Variants in GFPT2 observed in about 807,000 individuals in gnomAD.
GFPT2 encodes glutamine--fructose-6-phosphate aminotransferase [isomerizing] 2.
In GFPT2, 62 loss-of-function variants were observed where a neutral mutation model predicts 85.6. The observed-to-expected ratio is 0.72, with a 90% CI of 0.59 to 0.90. The LOEUF (loss-of-function observed/expected upper bound fraction) is 0.90, where lower values mean the gene tolerates loss of function less well. Ranked by LOEUF, GFPT2 falls within the 40% of genes least tolerant of loss-of-function variation. The pLI, the probability that GFPT2 is intolerant of heterozygous loss-of-function variation, is 0.00. For synonymous variants in GFPT2, 368 were observed against 344.5 expected, an observed-to-expected ratio of 1.07 and a Z score of -0.75; for missense variants, 788 against 893.4, an observed-to-expected ratio of 0.88 and a Z score of 1.50.
intron 10 of GFPT2, among the ~76,000 whole-genome samples, chr5:180,317,929 C>T (rs1404410374): frequency 6.6e-6 from 1 of 152,076 alleles, no homozygotes; most frequent in Non-Finnish European, 1.5e-5. Flanking sequence ...CTAGGATACG[C>T]ACACTCATGA....
chr5:180,316,529 G>A, intron 12 of GFPT2, 68 bp from the exon 13 acceptor site: 1 of 1,561,780 alleles, frequency 6.4e-7, no homozygotes, highest in East Asian at 2.2e-5. Context: ...GGGGCAGCTG[G>A]GCTTCTAGGG....
chr5:180,329,818 C>T (rs12521640), intron 6 of GFPT2, among the ~76,000 whole-genome samples: 14,423 of 152,254 alleles, frequency 0.095, 749 homozygotes, highest in Admixed American at 0.13. Flanking sequence ...GGACCCCTCT[C>T]GTCCTCCCGC....
chr5:180,315,531 G>A (rs1763990772), intron 13 of GFPT2, among the ~76,000 whole-genome samples: 1 of 152,094 alleles, frequency 6.6e-6, no homozygotes, highest in Non-Finnish European at 1.5e-5. Context: ...GTATTTATAT[G>A]GATGAATATC....
chr5:180,303,110 G>A lies in GFPT2; in HGVS notation c.1843-526C>T, dbSNP rs894569333. ...CCGGGTGTGGTGGCGGGGGCCTGTAGTCCCAGCTACTGGGGAGGCTGAGGC... is the reference window on the plus strand; with the variant it reads ...CCGGGTGTGGTGGCGGGGGCCTGTAATCCCAGCTACTGGGGAGGCTGAGGC... On this transcript the variant is annotated intron_variant, in intron 17 of 18. Transcript: ENST00000253778. 1.9e-4 allele frequency among the ~76,000 whole-genome samples: 27 copies of A among 145,342 alleles called. 2 individuals are homozygous for A. The highest frequency in any genetic ancestry group is 3.0e-4 in the Non-Finnish European group (19 of 64,100).
intron 15 of GFPT2, among the ~76,000 whole-genome samples, chr5:180,307,543 A>G (rs1763805599): frequency 6.6e-6 from 1 of 152,152 alleles, no homozygotes; most frequent in South Asian, 2.1e-4. Flanking sequence ...CAAGGTAGGA[A>G]GTACCATTTC....
At chr5:180,345,101 CAG>C (rs1263565111) in intron 1 of GFPT2, among the ~76,000 whole-genome samples, 1 of 152,260 alleles carries the variant, frequency 6.6e-6, no homozygotes, top group African/African-American at 2.4e-5. Context: ...GTCAGTGAAA[CAG>C]GGTGATGGCT....
intron 7 of GFPT2, among the ~76,000 whole-genome samples, chr5:180,327,976 C>T (rs1412785065): frequency 6.6e-6 from 1 of 152,198 alleles, no homozygotes; most frequent in Non-Finnish European, 1.5e-5. Flanking sequence ...AAACCTGGAT[C>T]TGCCCTGTCT....
chr5:180,353,188 G>A (rs2127660038), intron 1 of GFPT2, 23 bp downstream of exon 1: 1 of 1,234,300 alleles, frequency 8.1e-7, no homozygotes, highest in East Asian at 3.2e-5. Context: ...GGAGGAGGCG[G>A]CTCGGGCGGG....
chr5:180,332,151 C>T (rs1332286399), intron 4 of GFPT2, among the ~76,000 whole-genome samples: 1 of 152,194 alleles, frequency 6.6e-6, no homozygotes, highest in Non-Finnish European at 1.5e-5. Context: ...CAGCTTTTCC[C>T]ACCTCCCCAG....
chr5:180,318,184 T>C lies in GFPT2; in HGVS notation c.958+609A>G, dbSNP rs538364944. On this transcript the variant is annotated intron_variant, in intron 10 of 18. Coordinates refer to ENST00000253778, the MANE Select transcript of GFPT2 (RefSeq NM_005110.4). The surrounding 1 kb of genome is among the most constrained non-coding windows in gnomAD (Gnocchi z 4.2). ...ATGCAGGGGCTGTGGCGGGGCACAG[T>C]GGGACAGAGGGTTGAGTGTGGTGGG... is the stretch of plus-strand genomic sequence containing the variant. Among the ~76,000 whole-genome samples the C allele has an allele frequency of 2.3e-4, 35 of 151,904 alleles. 2 individuals carry two copies. In the East Asian group the frequency reaches 6.8e-3, roughly 30 times the overall value.
chr5:180,338,467 C>T (rs55946431), intron 2 of GFPT2, 26 bp downstream of exon 2: 801,463 of 1,334,636 alleles, frequency 0.6, 245,939 homozygotes, highest in Non-Finnish European at 0.64. Context: ...GGTCCCCAGC[C>T]ACGAGGCGGG....
At chr5:180,338,419 C>G in intron 2 of GFPT2, 74 bp downstream of exon 2, 1 of 697,098 alleles carries the variant, frequency 1.4e-6, no homozygotes, top group East Asian at 2.8e-5. Flanking sequence ...GTAAACCCCC[C>G]TGCAGTGGAG....
intron 1 of GFPT2, among the ~76,000 whole-genome samples, chr5:180,340,752 G>A (rs1371622474): frequency 1.4e-5 from 2 of 142,700 alleles, no homozygotes; most frequent in Admixed American, 1.4e-4. Context: ...CTGACCTCAT[G>A]ATCTGCCCAC....
chr5:180,324,721 TC>T, intron 8 of GFPT2, 94 bp downstream of exon 8: 1 of 838,140 alleles, frequency 1.2e-6, no homozygotes. Context: ...GAGTGGGGTT[TC>T]CTTGCCTCAG....
rs190781666 is a variant in GFPT2 at position 180,320,291 on chromosome 5, C to A, written c.795-1335G>T. ...ACAGGTGTGAGCCACCGTGCCCAGCCCATTGTGTTTATTTTTATAACTTTC... is the reference window on the plus strand; with the variant it reads ...ACAGGTGTGAGCCACCGTGCCCAGCACATTGTGTTTATTTTTATAACTTTC... On this transcript the variant is annotated intron_variant, in intron 9 of 18. Transcript: ENST00000253778. 1.9e-3 allele frequency among the ~76,000 whole-genome samples: 288 copies of A among 151,950 alleles called. 2 individuals carry two copies. The highest frequency in any genetic ancestry group is 6.8e-3 in the African/African-American group (283 of 41,454).
At position 180,313,846 on chromosome 5, in the gene GFPT2, G is replaced by A. The variant is rs756896476; in HGVS notation, c.1392C>T (p.His464=). The A allele has an allele frequency of 1.9e-6, 3 of 1,594,030 alleles. No individual in the cohort carries two copies. Among genetic ancestry groups the A allele is most frequent in the East Asian group, 2.3e-5 (1 of 44,248 alleles). Residue 464 remains histidine (H), a synonymous_variant, in exon 14 of 19, where the codon CAC becomes CAT. Coordinates refer to ENST00000253778, the MANE Select transcript of GFPT2 (RefSeq NM_005110.4). The part of the protein sequence containing the change: ...SISRETDCGV[H]INAGPEIGVA... The stretch of plus-strand genomic sequence containing the variant: ...CGCCGATCTCCGGCCCTGCGTTGAT[G>A]TGGACGCCGCAGTCGGTCTCGCGAG...
rs1051647778 is a variant in GFPT2 at position 180,310,864 on chromosome 5, A to T, written c.1546+1566T>A. 2.3e-3 allele frequency among the ~76,000 whole-genome samples: 299 copies of T among 129,004 alleles called. 3 individuals carry two copies. The highest frequency in any genetic ancestry group is 6.7e-3 in the African/African-American group (229 of 34,044). The allele number at this position is 129,004 out of a possible 152,430, so 84.6% of individuals were successfully genotyped here. On this transcript the variant is annotated intron_variant, in intron 15 of 18. Transcript: ENST00000253778. Reference sequence around the variant, plus strand: ...AAAAAAAAAAAAAAAAAAAAAAAAAATTTTTAGTATAAAGAATGTATTACT... The same window carrying T: ...AAAAAAAAAAAAAAAAAAAAAAAAATTTTTTAGTATAAAGAATGTATTACT...
At chr5:180,304,402 C>T (rs1461153895) in intron 17 of GFPT2, among the ~76,000 whole-genome samples, 1 of 152,164 alleles carries the variant, frequency 6.6e-6, no homozygotes, top group Non-Finnish European at 1.5e-5. Flanking sequence ...GAAAGCTGTG[C>T]CCCTGCCCTA....
At chr5:180,342,115 C>T (rs907539890) in intron 1 of GFPT2, among the ~76,000 whole-genome samples, 29 of 152,090 alleles carry the variant, frequency 1.9e-4, no homozygotes, top group African/African-American at 5.8e-4. Context: ...TCTTGTCTGC[C>T]GCCACGTGAG....
Sources: allele counts gnomAD v4.1 joint callset (sites outside exome capture counted in the v4.1 genomes callset), GRCh38; gene constraint gnomAD v4.1.1; non-coding constraint Gnocchi (gnomAD v3.1); transcripts MANE v1.5; gene names NCBI Gene and HGNC (gene_info 2026-07-23, HGNC 2026-07-21).